EPHA10: variants seen among roughly 807,000 people sequenced by gnomAD.
EPHA10 encodes the protein EPH receptor A10, also known as ephrin type-A receptor 10.
EPHA10 carries 120 observed loss-of-function variants against 109.7 expected under a neutral mutation model. The observed-to-expected ratio is 1.09, with a 90% CI of 0.94 to 1.27. The LOEUF (loss-of-function observed/expected upper bound fraction) is 1.27, where lower values mean the gene tolerates loss of function less well. Among genes scored for constraint, EPHA10 ranks in the 50% most tolerant of loss-of-function variants. The pLI, the probability that EPHA10 is intolerant of heterozygous loss-of-function variation, is 0.00. For synonymous variants in EPHA10, 640 were observed against 618.9 expected (o/e 1.03, Z -0.51); for missense variants, 1,396 against 1,411.1 (o/e 0.99, Z 0.17).
chr1:37,735,501 T>C (rs1262541670), intron 5 of EPHA10, 111 bp from the exon 6 acceptor site: 4 of 1,321,336 alleles, frequency 3.0e-6, no homozygotes, highest in Non-Finnish European at 4.1e-6. Flanking sequence ...TAGAGAGGCC[T>C]GGGGCGTGGT....
intron 10 of EPHA10, chr1:37,722,769 G>T (rs1457601220): frequency 1.7e-6 from 1 of 577,792 alleles, no homozygotes; most frequent in Non-Finnish European, 3.3e-6. Flanking sequence ...GAAGGCCTGG[G>T]ACTAAACTGC....
At position 37,764,264 on chromosome 1, in the gene EPHA10, G is replaced by A. The variant is rs534189764; in HGVS notation, c.106+697C>T. On this transcript the variant is annotated intron_variant, in intron 1 of 16. Transcript: ENST00000373048. The surrounding 1 kb of genome is among the most constrained non-coding windows in gnomAD (Gnocchi z 5.8). ...AACTGGAAGGCATCAGCCATCCAGG[G>A]CCCAGACCAACCCCGCGGTCAACGC... is the stretch of plus-strand genomic sequence containing the variant. Among the ~76,000 whole-genome samples, 1 of 152,188 alleles carries A rather than the reference G, an allele frequency of 6.6e-6. No homozygotes were observed. The highest frequency in any genetic ancestry group is 6.6e-5 in the Admixed American group (1 of 15,264).
chr1:37,716,882 G>C lies in EPHA10; in HGVS notation c.*1490C>G, dbSNP rs1481205231. On this transcript the variant is annotated 3_prime_UTR_variant, in exon 17 of 17. Transcript: ENST00000373048. The stretch of plus-strand genomic sequence containing the variant: ...CAGCCCACCTACCCACTGACCCAGA[G>C]GGCTCCTGGGGGGCCCTGGGCACTG... 2 of 232,956 alleles carry C rather than the reference G, an allele frequency of 8.6e-6. No individual in the cohort carries two copies. The highest frequency in any genetic ancestry group is 6.0e-5 in the East Asian group (1 of 16,568). 14.4% of individuals were successfully genotyped at this position (232,956 alleles called of 1,614,324 possible).
Position 37,735,320 on chromosome 1 carries a change from C to T in EPHA10, c.1428G>A (p.Glu476=). Residue 476 remains glutamate (E), a synonymous_variant, in exon 6 of 17, where the codon GAG becomes GAA. Coordinates refer to ENST00000373048, the MANE Select transcript of EPHA10 (RefSeq NM_001099439.2). The part of the protein sequence containing the change: ...EPQSVSLSWR[E]PIPAGAPGAN... ...CCCCAGGGGCTCCGGCAGGGATGGG[C>T]TCCCGCCACGACAGGGACACGCTCT... is the stretch of plus-strand genomic sequence containing the variant. 6.4e-7 allele frequency: 1 copy of T among 1,560,548 alleles called. No homozygotes were observed. The highest frequency in any genetic ancestry group is 8.7e-7 in the Non-Finnish European group (1 of 1,152,046).
chr1:37,741,831 G>A (rs529564442), intron 5 of EPHA10, among the ~76,000 whole-genome samples: 21 of 150,978 alleles, frequency 1.4e-4, no homozygotes, highest in Non-Finnish European at 2.6e-4. Flanking sequence ...AGCTGCTTTC[G>A]AGGAAGAGTG....
At chr1:37,753,746 C>CG (rs1646366256) in intron 4 of EPHA10, among the ~76,000 whole-genome samples, 1 of 140,072 alleles carries the variant, frequency 7.1e-6, no homozygotes, top group Non-Finnish European at 1.6e-5. Flanking sequence ...GGGCTTGCCC[C>CG]GGGAAGGGTC....
At chr1:37,757,086 C>T (rs1236902202) in intron 3 of EPHA10, among the ~76,000 whole-genome samples, 1 of 152,152 alleles carries the variant, frequency 6.6e-6, no homozygotes, top group African/African-American at 2.4e-5. Context: ...CTTAGCCTCC[C>T]AAATTGCTGG....
chr1:37,720,036 C>T lies in EPHA10; in HGVS notation c.2435G>A (p.Trp812Ter). 1.2e-6 allele frequency: 2 copies of T among 1,613,616 alleles called. No individual in the cohort carries two copies. Among genetic ancestry groups the T allele is most frequent in the South Asian group, 1.1e-5 (1 of 91,072 alleles). The change falls in exon 14 of 17, where the codon TGG (tryptophan) becomes TAG (stop). Residue 812 changes from tryptophan (W) to a stop codon, truncating the protein, a stop_gained. Coordinates refer to ENST00000373048, the MANE Select transcript of EPHA10 (RefSeq NM_001099439.2). LOFTEE classifies it high-confidence loss of function. Reference sequence around the variant, plus strand: ...AAACTGAAGTGTCTCGGGAGCGGCCCATAGCGCTGGGCTCCGGCCACTCTG... The same window carrying T: ...AAACTGAAGTGTCTCGGGAGCGGCCTATAGCGCTGGGCTCCGGCCACTCTG... ...TTMSGRSPAL[W>*]AAPETLQFGH...
At chr1:37,751,236 GAAAAAGA>G (rs1411657348) in intron 5 of EPHA10, among the ~76,000 whole-genome samples, 1 of 73,834 alleles carries the variant, frequency 1.4e-5, no homozygotes, top group African/African-American at 4.6e-5. Context: ...GAAAGAAAAA[GAAAAAGA>G]AAAAAAAAAA....
chr1:37,730,977 C>T (rs552403990), intron 7 of EPHA10, among the ~76,000 whole-genome samples: 16 of 152,196 alleles, frequency 1.1e-4, no homozygotes, highest in Non-Finnish European at 2.1e-4. Flanking sequence ...CAGGTGTGAG[C>T]CATCGCGCCT....
Position 37,736,323 on chromosome 1 carries a change from C to A in EPHA10, c.1358-933G>T, listed in dbSNP as rs190300483. Among the ~76,000 whole-genome samples, 234 of 151,890 alleles carry A rather than the reference C, an allele frequency of 1.5e-3. 1 individual carries two copies. The highest frequency in any genetic ancestry group is 5.3e-3 in the African/African-American group (220 of 41,416). On this transcript the variant is annotated intron_variant, in intron 5 of 16. Transcript: ENST00000373048. Reference sequence around the variant, plus strand: ...AAACCCTGTCTCTGCTAAAGAAATGCAAAATTAGCCAGGCATGGTGGTACA... The same window carrying A: ...AAACCCTGTCTCTGCTAAAGAAATGAAAAATTAGCCAGGCATGGTGGTACA...
At chr1:37,736,770 C>A (rs373541497) in intron 5 of EPHA10, among the ~76,000 whole-genome samples, 1 of 151,984 alleles carries the variant, frequency 6.6e-6, no homozygotes, top group African/African-American at 2.4e-5. Flanking sequence ...AAATACAAAA[C>A]CAATGCACAA....
At chr1:37,747,831 G>A (rs892764962) in intron 5 of EPHA10, among the ~76,000 whole-genome samples, 3 of 152,028 alleles carry the variant, frequency 2.0e-5, no homozygotes, top group South Asian at 4.1e-4. Context: ...GGAATTGATA[G>A]GTTCAAGAGC....
At position 37,754,233 on chromosome 1, in the gene EPHA10, G is replaced by T; in HGVS notation, c.988C>A (p.Pro330Thr). Residue 330 changes from proline (P) to threonine (T), a missense_variant, in exon 4 of 17, where the codon CCC becomes ACC. Coordinates refer to ENST00000373048, the MANE Select transcript of EPHA10 (RefSeq NM_001099439.2). This position sits in a 1 kb window ranked among gnomAD's most constrained non-coding sequence, Gnocchi z 4.5. ...GACTCACGGGTGCAGGAAGCCGAGG[G>T]CGGGTCGGTGGGTGAGCGCGCATAG... ...DSYARSPTDPPSASCTRPPSA... is the reference protein window; with the variant it reads ...DSYARSPTDPTSASCTRPPSA... The T allele has an allele frequency of 7.6e-7, 1 of 1,308,064 alleles. No individual in the cohort carries two copies. 81.0% of individuals were successfully genotyped at this position (1,308,064 alleles called of 1,614,324 possible).
intron 5 of EPHA10, among the ~76,000 whole-genome samples, chr1:37,736,915 G>A (rs961971489): frequency 1.3e-5 from 2 of 152,000 alleles, no homozygotes; most frequent in African/African-American, 4.8e-5. Flanking sequence ...CTTTTATACA[G>A]AAAACTATAA....
In EPHA10 at chr1:37,754,062, C is replaced by G. The variant is rs1335487274; in HGVS notation, c.1006+153G>C. On this transcript the variant is annotated intron_variant, in intron 4 of 16. Coordinates refer to ENST00000373048, the MANE Select transcript of EPHA10 (RefSeq NM_001099439.2). The surrounding 1 kb of genome is among the most constrained non-coding windows in gnomAD (Gnocchi z 4.5). ...CCAGGGCGCGTCCAGGCTCCGCTCCCCCGTACGCCGCCTTCCGGGGCGCTG... is the reference window on the plus strand; with the variant it reads ...CCAGGGCGCGTCCAGGCTCCGCTCCGCCGTACGCCGCCTTCCGGGGCGCTG... Among the ~76,000 whole-genome samples the G allele has an allele frequency of 6.6e-6, 1 of 152,186 alleles. No homozygotes were observed. Among genetic ancestry groups the G allele is most frequent in the Admixed American group, 6.5e-5 (1 of 15,282 alleles).
At chr1:37,734,528 C>G in intron 6 of EPHA10, 1 of 415,400 alleles carries the variant, frequency 2.4e-6, no homozygotes, top group South Asian at 1.8e-5. Context: ...GAATGAAACT[C>G]TGTCTCAAAA....
At chr1:37,761,364 G>A (rs1233239517) in intron 3 of EPHA10, 41 bp downstream of exon 3, 3 of 1,590,948 alleles carry the variant, frequency 1.9e-6, no homozygotes, top group Non-Finnish European at 1.7e-6. Context: ...TGCCACCTAC[G>A]CTCTACACTC....
downstream of EPHA10, chr1:37,715,836 G>A (rs779988248): frequency 7.9e-6 from 4 of 507,806 alleles, no homozygotes; most frequent in Middle Eastern, 3.2e-4. Context: ...TTTCACGGCA[G>A]GAGCAGTGTT....
Sources: gnomAD v4.1 joint callset for allele counts (sites outside exome capture counted in the v4.1 genomes callset) on GRCh38, gnomAD v4.1.1 for gene constraint, Gnocchi (gnomAD v3.1) non-coding constraint, MANE v1.5 for transcripts, NCBI Gene and HGNC (gene_info 2026-07-23, HGNC 2026-07-21) for gene names.